SLC9A7: variants seen among roughly 807,000 people sequenced by gnomAD.
The protein encoded by SLC9A7 is sodium/hydrogen exchanger 7.
SLC9A7 carries 19 observed loss-of-function variants against 52.6 expected under a neutral mutation model. The ratio of observed to expected loss-of-function variants is 0.36; its 90% CI spans 0.25 to 0.53. The LOEUF (loss-of-function observed/expected upper bound fraction) is 0.53, where lower values mean the gene tolerates loss of function less well. SLC9A7 is among the 20% of genes least tolerant of loss of function. SLC9A7 has a pLI of 0.91. For missense variants in SLC9A7, 455 were observed against 597.9 expected (o/e 0.76, Z 2.49); for synonymous variants, 226 against 252.1 (o/e 0.90, Z 0.98).
chrX:46,720,448 C>G (rs756423294), intron 1 of SLC9A7, among the ~76,000 whole-genome samples: 38 of 110,649 alleles, frequency 3.4e-4, no homozygotes, highest in Admixed American at 2.2e-3. Context: ...AACTATCCCC[C>G]CTGCTTCTCC....
At chrX:46,758,675 G>A (rs782314842) in intron 1 of SLC9A7, 30 bp downstream of exon 1, 2 of 1,051,472 alleles carry the variant, frequency 1.9e-6, no homozygotes, top group Admixed American at 5.4e-5. Flanking sequence ...GAGGGGTGTG[G>A]AGGGCGGGGG....
Position 46,599,742 on chromosome X carries a change from C to T in SLC9A7, c.*7210G>A, listed in dbSNP as rs972471840. 3 of 111,610 alleles carry T rather than the reference C, an allele frequency of 2.7e-5. No individual in the cohort carries two copies. Among genetic ancestry groups the T allele is most frequent in the Admixed American group, 9.5e-5 (1 of 10,475 alleles). 9.2% of individuals were successfully genotyped at this position (111,610 alleles called of 1,213,427 possible). A position where few individuals can be genotyped will look rare whatever the true frequency, so the allele number is the denominator to read the frequency against. ...TATACTTTAATGTCATTTTATATAA[C>T]GTTTATTTATATAACATACTATAAT... is the stretch of plus-strand genomic sequence containing the variant. On this transcript the variant is annotated 3_prime_UTR_variant, in exon 17 of 17. Coordinates refer to ENST00000616978, the MANE Select transcript of SLC9A7 (RefSeq NM_001257291.2).
chrX:46,637,577 G>A (rs1284894768), intron 12 of SLC9A7, among the ~76,000 whole-genome samples: 3 of 110,844 alleles, frequency 2.7e-5, no homozygotes, highest in Non-Finnish European at 3.8e-5. Context: ...TCGTTCCACC[G>A]CCCCCCCAAC....
rs1371759526 is a variant in SLC9A7 at position 46,602,981 on chromosome X, T to A, written c.*3971A>T. On this transcript the variant is annotated 3_prime_UTR_variant, in exon 17 of 17. Transcript: ENST00000616978. ...ACTTTGATTCACCAAATATTTGTAA[T>A]CAAATAAGGACTTAGAACACTGGAA... is the stretch of plus-strand genomic sequence containing the variant. The A allele has an allele frequency of 8.9e-6, 1 of 112,474 alleles. No homozygotes were observed. 9.3% of individuals were successfully genotyped at this position (112,474 alleles called of 1,213,427 possible).
intron 1 of SLC9A7, among the ~76,000 whole-genome samples, chrX:46,710,117 G>A (rs1944665354): frequency 8.9e-6 from 1 of 112,112 alleles, no homozygotes; most frequent in Non-Finnish European, 1.9e-5. Context: ...GTGACTTTTA[G>A]GACTGTATTG....
chrX:46,755,119 C>T (rs1922541595), intron 1 of SLC9A7, among the ~76,000 whole-genome samples: 1 of 112,248 alleles, frequency 8.9e-6, no homozygotes, highest in Non-Finnish European at 1.9e-5. Context: ...GGGAGGAATG[C>T]TTATAAGTGT....
At chrX:46,717,359 C>CA (rs1191633160) in intron 1 of SLC9A7, among the ~76,000 whole-genome samples, 1 of 111,576 alleles carries the variant, frequency 9.0e-6, no homozygotes, top group Non-Finnish European at 1.9e-5. Context: ...TTAAATGTCC[C>CA]AAAAAATACT....
chrX:46,604,500 T>C lies in SLC9A7; in HGVS notation c.*2452A>G, dbSNP rs1198677881. On this transcript the variant is annotated 3_prime_UTR_variant, in exon 17 of 17. Coordinates refer to ENST00000616978, the MANE Select transcript of SLC9A7 (RefSeq NM_001257291.2). ...CAGACTGGATTGCAGTGGCATGATCTCAGCTCATCGCAACCTCTGCCTCTT... is the reference window on the plus strand; with the variant it reads ...CAGACTGGATTGCAGTGGCATGATCCCAGCTCATCGCAACCTCTGCCTCTT... 6 of 109,657 alleles carry C rather than the reference T, an allele frequency of 5.5e-5. No homozygotes were observed. Among genetic ancestry groups the C allele is most frequent in the African/African-American group, 2.0e-4 (6 of 29,946 alleles). The allele number at this position is 109,657 out of a possible 1,213,427, so 9.0% of individuals were successfully genotyped here. A position where few individuals can be genotyped will look rare whatever the true frequency, so the allele number is the denominator to read the frequency against.
intron 1 of SLC9A7, among the ~76,000 whole-genome samples, chrX:46,686,269 G>A (rs1052168783): frequency 7.1e-5 from 8 of 111,999 alleles, no homozygotes; most frequent in Non-Finnish European, 1.5e-4. Flanking sequence ...AAACACCACA[G>A]CAGAGATGTA....
intron 1 of SLC9A7, among the ~76,000 whole-genome samples, chrX:46,715,533 G>A (rs1944755934): frequency 1.8e-5 from 2 of 111,270 alleles, no homozygotes; most frequent in South Asian, 7.7e-4. Context: ...GTTAAATTCT[G>A]AATCTAATCA....
At chrX:46,611,180 T>C (rs1942842598) in intron 16 of SLC9A7, among the ~76,000 whole-genome samples, 1 of 112,185 alleles carries the variant, frequency 8.9e-6, no homozygotes, top group Non-Finnish European at 1.9e-5. Context: ...CCATTCAGCA[T>C]TCAGCACAAG....
chrX:46,717,142 C>T lies in SLC9A7; in HGVS notation c.326-34607G>A, dbSNP rs905560753. On this transcript the variant is annotated intron_variant, in intron 1 of 16. Transcript: ENST00000616978. ...AAAGTTGAAATTGTGTTACATATTC[C>T]TGGAAAATACTCAAAAGGTGCTCTG... Among the ~76,000 whole-genome samples the T allele has an allele frequency of 3.3e-4, 37 of 112,089 alleles. 1 individual carries two copies. In the Admixed American group the frequency reaches 3.5e-3, roughly 11 times the overall value.
intron 15 of SLC9A7, among the ~76,000 whole-genome samples, chrX:46,616,202 G>C (rs780368117): frequency 1.7e-4 from 18 of 104,685 alleles, no homozygotes; most frequent in African/African-American, 5.6e-4. Context: ...GGTGACACAT[G>C]CTAGCTACTT....
At chrX:46,665,563 A>AAAAAAAAAAAAAAAAAAAAAAG (rs1943905587) in intron 5 of SLC9A7, among the ~76,000 whole-genome samples, 1 of 107,406 alleles carries the variant, frequency 9.3e-6, no homozygotes, top group East Asian at 3.2e-4. Flanking sequence ...ATCTCAAAAA[A>AAAAAAAAAAAAAAAAAAAAAAG]AAAAAAAAAA....
intron 1 of SLC9A7, among the ~76,000 whole-genome samples, chrX:46,719,871 A>G (rs1944831767): frequency 8.9e-6 from 1 of 111,851 alleles, no homozygotes; most frequent in Non-Finnish European, 1.9e-5. Context: ...TATAAGGGCA[A>G]TTCCAGGAGT....
intron 15 of SLC9A7, among the ~76,000 whole-genome samples, chrX:46,616,058 GGCATGTAATCCCA>G (rs1353678933): frequency 3.9e-4 from 43 of 109,434 alleles, no homozygotes; most frequent in African/African-American, 1.3e-3. Context: ...CAGTGGCTCA[GGCATGTAATCCCA>G]GCACTTTGCG....
chrX:46,695,789 C>T (rs140682204), intron 1 of SLC9A7, among the ~76,000 whole-genome samples: 3,109 of 110,006 alleles, frequency 0.028, 101 homozygotes, highest in African/African-American at 0.099. Context: ...GCCTGGCATA[C>T]TAGGTACTCA....
chrX:46,661,388 G>T (rs1602195959), intron 7 of SLC9A7, among the ~76,000 whole-genome samples: 1 of 109,398 alleles, frequency 9.1e-6, no homozygotes, highest in East Asian at 2.9e-4. Context: ...TAAAAAAAAA[G>T]AAAAAAAAAT....
intron 16 of SLC9A7, among the ~76,000 whole-genome samples, chrX:46,611,644 G>A (rs954788390): frequency 5.3e-5 from 6 of 112,611 alleles, no homozygotes; most frequent in African/African-American, 1.6e-4. Flanking sequence ...AAGTTCTGTC[G>A]CTGCCTACCA....
Sources: gnomAD v4.1 joint callset for allele counts (sites outside exome capture counted in the v4.1 genomes callset) on GRCh38, gnomAD v4.1.1 for gene constraint, MANE v1.5 for transcripts, NCBI Gene and HGNC (gene_info 2026-07-23, HGNC 2026-07-21) for gene names.